The following CARD10 variants were observed in gnomAD, a reference collection of about 807,000 sequenced individuals.
CARD10 encodes caspase recruitment domain-containing protein 10.
A neutral mutation model predicts 114.6 loss-of-function variants in CARD10; 49 were observed. The ratio of observed to expected loss-of-function variants is 0.43; its 90% CI spans 0.34 to 0.54. The LOEUF (loss-of-function observed/expected upper bound fraction) is 0.54. Among genes scored for constraint, CARD10 ranks in the 20% least tolerant of loss-of-function variants. The pLI is 0.03. For missense variants in CARD10, 1,206 were observed against 1,397.2 expected (o/e 0.86, Z 2.18); for synonymous variants, 602 against 593.2 (o/e 1.01, Z -0.21).
At chr22:37,503,149 AGAG>A (rs1923277869) in intron 10 of CARD10, 33 bp downstream of exon 10, 1 of 1,606,530 alleles carries the variant, frequency 6.2e-7, no homozygotes, top group Admixed American at 1.7e-5. Context: ...TCCCCCGACC[AGAG>A]GAGCCCTCCC....
In CARD10 at chr22:37,507,959, G is replaced by C; in HGVS notation, c.1066-5C>G. The C allele has an allele frequency of 6.2e-7, 1 of 1,614,018 alleles. No individual in the cohort carries two copies. Among genetic ancestry groups the C allele is most frequent in the Non-Finnish European group, 8.5e-7 (1 of 1,180,002 alleles). On this transcript the variant is annotated splice_region_variant and splice_polypyrimidine_tract_variant and intron_variant, in intron 5 of 19. Coordinates refer to ENST00000251973, the MANE Select transcript of CARD10 (RefSeq NM_014550.4). ...GTCTTCCATCTCCTGCAGGTACTGA[G>C]GGTGGCACGGGGCGGGGTCAGACCA...
intron 1 of CARD10, 147 bp downstream of exon 1, chr22:37,518,819 G>T: frequency 1.0e-6 from 1 of 967,770 alleles, no homozygotes; most frequent in Non-Finnish European, 1.5e-6. Context: ...AGGCAGGCTG[G>T]TGGGCATACC....
chr22:37,502,810 GC>G, intron 10 of CARD10, 85 bp from the exon 11 acceptor site: 1 of 1,475,424 alleles, frequency 6.8e-7, no homozygotes, highest in Non-Finnish European at 9.1e-7. Context: ...CCCCCCTCCA[GC>G]CCAGAGAGGC....
rs767072413 is a variant in CARD10, at chr22:37,516,180, G to C, written c.492C>G (p.Leu164=). ...EQQLQARGRV[L]EEERAGLEQR... ...GCTCCAGCCCTGCCCGCTCCTCCTC[G>C]AGCACCCGGCCCCGGGCCTGCAGTT... The change falls in exon 3 of 20, where the codon CTC becomes CTG. Residue 164 remains leucine (L), a synonymous_variant. Coordinates refer to ENST00000251973, the MANE Select transcript of CARD10 (RefSeq NM_014550.4). 6.3e-7 allele frequency: 1 copy of C among 1,592,994 alleles called. No individual in the cohort carries two copies. The highest frequency in any genetic ancestry group is 2.3e-5 in the East Asian group (1 of 44,054).
chr22:37,519,095 G>A lies in CARD10; in HGVS notation c.106C>T (p.His36Tyr). ...ALWERIEGVRHRLARALNPAK... is the reference protein window; with the variant it reads ...ALWERIEGVRYRLARALNPAK... ...GGGTTCAGGGCGCGAGCCAGCCGAT[G>A]CCGGACGCCCTCGATTCGCTCCCAC... is the stretch of plus-strand genomic sequence containing the variant. The change falls in exon 1 of 20, where the codon CAT becomes TAT. Residue 36 changes from histidine (H) to tyrosine (Y), a missense_variant. Physicochemically the swap from His to Tyr is moderately conservative, Grantham distance 83. This residue lies in a region of CARD10 where 138 missense variants were observed against 218.0 expected (regional missense o/e 0.63). Coordinates refer to ENST00000251973, the MANE Select transcript of CARD10 (RefSeq NM_014550.4). The surrounding 1 kb of genome is among the most constrained non-coding windows in gnomAD (Gnocchi z 4.1). The A allele has an allele frequency of 6.3e-7, 1 of 1,590,902 alleles. No homozygotes were observed. The highest frequency in any genetic ancestry group is 8.5e-7 in the Non-Finnish European group (1 of 1,175,718).
rs1467577558 is a variant in CARD10 at position 37,491,826 on chromosome 22, C to T, written c.2793G>A (p.Glu931=). Residue 931 remains glutamate, a synonymous_variant, in exon 19 of 20, where the codon GAG becomes GAA. Coordinates refer to ENST00000251973, the MANE Select transcript of CARD10 (RefSeq NM_014550.4). ...LLELGARGVR[E]LVQNEIYPIV... is the part of the protein sequence containing the mutation. ...TGGGGTAGATCTCGTTCTGCACCAG[C>T]TCCCGCACACCCCGAGCACCCAGCT... The T allele has an allele frequency of 6.2e-7, 1 of 1,600,534 alleles. No homozygotes were observed. The highest frequency in any genetic ancestry group is 1.4e-5 in the African/African-American group (1 of 71,932).
intron 3 of CARD10, among the ~76,000 whole-genome samples, chr22:37,513,570 G>A (rs993645504): frequency 2.0e-5 from 3 of 151,828 alleles, no homozygotes; most frequent in Non-Finnish European, 4.4e-5. Flanking sequence ...TCTCCCAATC[G>A]CATCACACCC....
In CARD10 at chr22:37,507,922, C is replaced by T; in HGVS notation, c.1098G>A (p.Lys366=). The T allele has an allele frequency of 6.2e-7, 1 of 1,614,164 alleles. No homozygotes were observed. Among genetic ancestry groups the T allele is most frequent in the East Asian group, 2.2e-5 (1 of 44,882 alleles). ...YLQEMEDLRL[K]HRTLQKDCDL... ...CACAGTCCTTCTGCAGCGTGCGGTG[C>T]TTGAGCCGCAGGTCTTCCATCTCCT... The change falls in exon 6 of 20, where the codon AAG becomes AAA. Residue 366 remains lysine, a synonymous_variant. Coordinates refer to ENST00000251973, the MANE Select transcript of CARD10 (RefSeq NM_014550.4).
At chr22:37,498,902 G>A (rs1333437312) in intron 11 of CARD10, among the ~76,000 whole-genome samples, 6 of 131,612 alleles carry the variant, frequency 4.6e-5, no homozygotes, top group Admixed American at 1.5e-4. Context: ...GGGTGCTGGG[G>A]GGTGGGGGGG....
chr22:37,510,546 G>A (rs915689634), intron 3 of CARD10, 125 bp from the exon 4 acceptor site: 2 of 743,148 alleles, frequency 2.7e-6, no homozygotes, highest in Non-Finnish European at 4.4e-6. Context: ...CGAAGCAGGA[G>A]TCCTCCCCAG....
chr22:37,506,786 T>G (rs145215123), intron 6 of CARD10, among the ~76,000 whole-genome samples: 494 of 152,176 alleles, frequency 3.2e-3, no homozygotes, highest in South Asian at 9.7e-3. Context: ...GCCCACTGCA[T>G]CCACAGTGAA....
At chr22:37,500,144 C>T (rs531440360) in intron 11 of CARD10, among the ~76,000 whole-genome samples, 41 of 152,330 alleles carry the variant, frequency 2.7e-4, no homozygotes, top group African/African-American at 9.6e-4. Flanking sequence ...GCATGCCACA[C>T]AGATCACCTC....
At chr22:37,515,935 C>A in intron 3 of CARD10, 38 bp downstream of exon 3, 1 of 1,495,872 alleles carries the variant, frequency 6.7e-7, no homozygotes, top group Non-Finnish European at 9.0e-7. Context: ...AAAGCTGCCC[C>A]TTCCCTTGCC....
chr22:37,519,139 T>G lies in CARD10; in HGVS notation c.62A>C (p.Glu21Ala). ...CTCCCACAGCGCGTCCTCCTCCGCC[T>G]CAGACCCCGAGCCGGCCCCGGCCTC... The part of the protein sequence containing the change: ...EEEAGAGSGS[E>A]AEEDALWERI... The change falls in exon 1 of 20, where the codon GAG becomes GCG. Residue 21 changes from glutamate (E) to alanine (A), a missense_variant. Around this residue, in one of 2 missense-constraint regions of CARD10, gnomAD observed 138 missense variants for 218.0 expected, o/e 0.63. Transcript: ENST00000251973. The surrounding 1 kb of genome is among the most constrained non-coding windows in gnomAD (Gnocchi z 4.1). The G allele has an allele frequency of 6.4e-7, 1 of 1,554,940 alleles. No individual in the cohort carries two copies. The highest frequency in any genetic ancestry group is 8.6e-7 in the Non-Finnish European group (1 of 1,157,462).
Position 37,518,934 on chromosome 22 carries a change from AGG to A in CARD10, c.235+30_235+31del, listed in dbSNP as rs745375352. 3.3e-6 allele frequency: 5 copies of A among 1,497,638 alleles called. No homozygotes were observed. The African/African-American group carries it at 4.2e-5, about 13-fold the overall frequency. The allele number at this position is 1,497,638 out of a possible 1,614,324, so 92.8% of individuals were successfully genotyped here. A position where few individuals can be genotyped will look rare whatever the true frequency, so the allele number is the denominator to read the frequency against. ...CTGCGCCCCAGGGCACGGCCGGCCC[AGG>A]TCGTGGCCCACTCGGGACCCGCGGC... On this transcript the variant is annotated intron_variant, in intron 1 of 19. Transcript: ENST00000251973.
intron 15 of CARD10, among the ~76,000 whole-genome samples, chr22:37,494,839 G>C (rs1036352780): frequency 1.3e-5 from 2 of 152,224 alleles, no homozygotes; most frequent in Non-Finnish European, 2.9e-5. Flanking sequence ...TGCCTGGCTG[G>C]GGCCCTCGCT....
At chr22:37,518,703 T>G (rs1159857359) in intron 1 of CARD10, among the ~76,000 whole-genome samples, 1 of 152,018 alleles carries the variant, frequency 6.6e-6, no homozygotes, top group Non-Finnish European at 1.5e-5. Context: ...CATCCAACCT[T>G]CTGCTCTAAT....
chr22:37,515,477 C>T (rs1054500975), intron 3 of CARD10, among the ~76,000 whole-genome samples: 3 of 150,246 alleles, frequency 2.0e-5, no homozygotes, highest in South Asian at 2.1e-4. Flanking sequence ...GCAGGAGAAT[C>T]GCTGGAACCC....
intron 19 of CARD10, 83 bp from the exon 20 acceptor site, chr22:37,491,476 G>A (rs1922773926): frequency 1.0e-6 from 1 of 993,360 alleles, no homozygotes; most frequent in Non-Finnish European, 1.4e-6. Context: ...GACAAAGGGG[G>A]AAGAGTCAGA....
Sources: allele counts gnomAD v4.1 joint callset (sites outside exome capture counted in the v4.1 genomes callset), GRCh38; gene constraint gnomAD v4.1.1; regional missense constraint gnomAD v4.1.1; non-coding constraint Gnocchi (gnomAD v3.1); transcripts MANE v1.5; gene names NCBI Gene and HGNC (gene_info 2026-07-23, HGNC 2026-07-21).